The following GSK3B variants were observed in gnomAD, a reference collection of about 807,000 sequenced individuals.
GSK3B encodes glycogen synthase kinase 3 beta.
Under a neutral mutation model 56.4 loss-of-function variants are expected in GSK3B, and 15 were observed. The observed-to-expected ratio is 0.27, with a 90% CI of 0.18 to 0.41. The LOEUF is 0.41. Among genes scored for constraint, GSK3B ranks in the 10% least tolerant of loss-of-function variants. GSK3B has a pLI of 1.00. For missense variants in GSK3B, 300 were observed against 513.4 expected (o/e 0.58, Z 4.02); for synonymous variants, 181 against 188.9 (o/e 0.96, Z 0.34).
intron 2 of GSK3B, among the ~76,000 whole-genome samples, chr3:119,947,872 CA>C (rs57902819): frequency 0.25 from 25,427 of 103,712 alleles, 2,157 homozygotes; most frequent in Middle Eastern, 0.3. Flanking sequence ...AACTCCATCT[CA>C]AAAAAAAAAA....
chr3:119,977,785 T>G (rs76067602), intron 2 of GSK3B, among the ~76,000 whole-genome samples: 26 of 152,074 alleles, frequency 1.7e-4, no homozygotes, highest in African/African-American at 6.0e-4. Flanking sequence ...GGGGAAAAAA[T>G]TTGACGTATA....
At chr3:119,935,423 C>G (rs1264891995) in intron 3 of GSK3B, among the ~76,000 whole-genome samples, 1 of 152,074 alleles carries the variant, frequency 6.6e-6, no homozygotes, top group African/African-American at 2.4e-5. Flanking sequence ...TGAAAAAGAA[C>G]AACGACAACA....
chr3:119,964,350 A>C (rs1270409843), intron 2 of GSK3B, among the ~76,000 whole-genome samples: 1 of 152,238 alleles, frequency 6.6e-6, no homozygotes, highest in African/African-American at 2.4e-5. Flanking sequence ...ATTATTCACA[A>C]TAGCAAAGAT....
At chr3:119,928,096 G>A (rs768070103) in intron 3 of GSK3B, among the ~76,000 whole-genome samples, 55 of 152,194 alleles carry the variant, frequency 3.6e-4, no homozygotes, top group Non-Finnish European at 6.9e-4. Context: ...GTTCACAAGT[G>A]AGCAGGTGGC....
intron 9 of GSK3B, among the ~76,000 whole-genome samples, chr3:119,851,953 G>A (rs2055936295): frequency 6.6e-6 from 1 of 152,116 alleles, no homozygotes; most frequent in Admixed American, 6.5e-5. Context: ...TTCTAATGGT[G>A]CTTACTTACT....
rs927057141 is a variant in GSK3B, at chr3:119,826,043, T to C, written c.*745A>G. ...CAAACAAAGAGCCACCTGTAGAGCA[T>C]GTGTGCCTGAGTCTTGCTTGCTGCT... On this transcript the variant is annotated 3_prime_UTR_variant, in exon 11 of 11. Coordinates refer to ENST00000264235, the MANE Select transcript of GSK3B (RefSeq NM_001146156.2). 9.0e-6 allele frequency: 2 copies of C among 221,944 alleles called. No homozygotes were observed. Among genetic ancestry groups the C allele is most frequent in the Non-Finnish European group, 1.8e-5 (2 of 111,276 alleles). 13.7% of individuals were successfully genotyped at this position (221,944 alleles called of 1,614,324 possible).
chr3:119,903,590 A>G (rs1263895896), intron 7 of GSK3B, among the ~76,000 whole-genome samples: 2 of 152,204 alleles, frequency 1.3e-5, no homozygotes, highest in African/African-American at 4.8e-5. Context: ...ACAAGGACTA[A>G]CAAAAAGTTG....
chr3:119,883,631 T>G (rs865888322), intron 7 of GSK3B, among the ~76,000 whole-genome samples: 2 of 152,166 alleles, frequency 1.3e-5, no homozygotes, highest in African/African-American at 4.8e-5. Context: ...AGACTGTGTT[T>G]GGCCCCTGGA....
At chr3:120,091,136 T>C (rs1270187886) in intron 1 of GSK3B, among the ~76,000 whole-genome samples, 1 of 152,224 alleles carries the variant, frequency 6.6e-6, no homozygotes, top group African/African-American at 2.4e-5. Context: ...TTTTACAATC[T>C]TGCAGTCATC....
intron 2 of GSK3B, among the ~76,000 whole-genome samples, chr3:119,992,503 A>AT: frequency 6.6e-6 from 1 of 152,240 alleles, no homozygotes; most frequent in East Asian, 1.9e-4. Flanking sequence ...CTGAACCCTG[A>AT]TAACTACTAG....
At chr3:119,834,081 T>G (rs991436947) in intron 10 of GSK3B, among the ~76,000 whole-genome samples, 3 of 152,180 alleles carry the variant, frequency 2.0e-5, no homozygotes, top group Non-Finnish European at 2.9e-5. Flanking sequence ...GTGTTTCTAC[T>G]TATCAGGTAT....
At chr3:119,896,084 T>C (rs13063398) in intron 7 of GSK3B, among the ~76,000 whole-genome samples, 1 of 147,702 alleles carries the variant, frequency 6.8e-6, no homozygotes, top group Non-Finnish European at 1.5e-5. Context: ...GCCATGATTG[T>C]ACCACTGCAC....
At chr3:120,071,238 T>G (rs2058323966) in intron 1 of GSK3B, among the ~76,000 whole-genome samples, 1 of 152,250 alleles carries the variant, frequency 6.6e-6, no homozygotes, top group Non-Finnish European at 1.5e-5. Context: ...TCAGATTCTG[T>G]GATCACTCTT....
rs562095466 is a variant in GSK3B, at chr3:119,861,663, G to A, written c.1096+1756C>T. Reference sequence around the variant, plus strand: ...CAATAGCGATTTACAAAGACCGTGAGAAAGTACTACTTTGTGATCACAGCC... The same window carrying A: ...CAATAGCGATTTACAAAGACCGTGAAAAAGTACTACTTTGTGATCACAGCC... On this transcript the variant is annotated intron_variant, in intron 9 of 10. Coordinates refer to ENST00000264235, the MANE Select transcript of GSK3B (RefSeq NM_001146156.2). Among the ~76,000 whole-genome samples, 51 of 152,284 alleles carry A rather than the reference G, an allele frequency of 3.3e-4. 1 individual carries two copies. The highest frequency in any genetic ancestry group is 1.2e-3 in the African/African-American group (49 of 41,558).
At chr3:119,961,489 G>A (rs1350893360) in intron 2 of GSK3B, among the ~76,000 whole-genome samples, 3 of 151,862 alleles carry the variant, frequency 2.0e-5, no homozygotes, top group Admixed American at 6.6e-5. Flanking sequence ...TTAGCCAGGG[G>A]TGGTGGCACA....
intron 7 of GSK3B, among the ~76,000 whole-genome samples, chr3:119,882,870 T>C (rs2056394877): frequency 6.6e-6 from 1 of 152,218 alleles, no homozygotes. Context: ...ATATTTACAA[T>C]CAGTGGTCAG....
chr3:119,889,916 G>C (rs141956425), intron 7 of GSK3B, among the ~76,000 whole-genome samples: 82 of 152,104 alleles, frequency 5.4e-4, no homozygotes, highest in African/African-American at 1.8e-3. Flanking sequence ...AAGACTTCAG[G>C]ATAAGAAAAT....
intron 3 of GSK3B, among the ~76,000 whole-genome samples, chr3:119,931,524 G>A (rs2056945707): frequency 6.6e-6 from 1 of 152,166 alleles, no homozygotes; most frequent in Non-Finnish European, 1.5e-5. Flanking sequence ...GCTGAGGCAT[G>A]AGAATCGCTT....
At chr3:119,895,980 T>C (rs954076475) in intron 7 of GSK3B, among the ~76,000 whole-genome samples, 2 of 151,722 alleles carry the variant, frequency 1.3e-5, no homozygotes, top group African/African-American at 2.4e-5. Flanking sequence ...ATACAAAAAT[T>C]TGCCAGGCAT....
Sources: allele counts gnomAD v4.1 joint callset (sites outside exome capture counted in the v4.1 genomes callset), GRCh38; gene constraint gnomAD v4.1.1; transcripts MANE v1.5; gene names NCBI Gene and HGNC (gene_info 2026-07-23, HGNC 2026-07-21).